Variants in PRRC2B observed in about 807,000 individuals in gnomAD.
The protein encoded by PRRC2B is proline rich coiled-coil 2B.
In PRRC2B, 68 loss-of-function variants were observed where a neutral mutation model predicts 242.3. The ratio of observed to expected loss-of-function variants is 0.28; its 90% CI spans 0.23 to 0.34. The LOEUF (loss-of-function observed/expected upper bound fraction) is 0.34, where lower values mean the gene tolerates loss of function less well. Ranked by LOEUF, PRRC2B falls within the 10% of genes least tolerant of loss-of-function variation. The pLI is 1.00. For synonymous variants in PRRC2B, 1,228 were observed against 1,173.6 expected, an observed-to-expected ratio of 1.05 and a Z score of -0.95; for missense variants, 2,835 against 2,954.8, an observed-to-expected ratio of 0.96 and a Z score of 0.94.
intron 20 of PRRC2B, 22 bp downstream of exon 20, chr9:131,481,830 A>G (rs1393715292): frequency 2.6e-6 from 4 of 1,542,820 alleles, no homozygotes; most frequent in African/African-American, 1.4e-5. Flanking sequence ...CGCTGCCCAC[A>G]TGCTGCCCCT....
rs141177705 is a variant in PRRC2B, at chr9:131,477,478, C to G, written c.4407-266C>G. 8.1e-3 allele frequency among the ~76,000 whole-genome samples: 1,228 copies of G among 152,302 alleles called. 16 individuals carry two copies. Among genetic ancestry groups the G allele is most frequent in the Admixed American group, 0.03 (466 of 15,302 alleles). ...GCATATTCCCCTTGTCTCTCTCCCC[C>G]CTACACTCTGAACATAGCATGTGGG... On this transcript the variant is annotated intron_variant, in intron 16 of 31. Coordinates refer to ENST00000683519, the MANE Select transcript of PRRC2B (RefSeq NM_013318.4).
intron 1 of PRRC2B, among the ~76,000 whole-genome samples, chr9:131,404,468 C>G (rs1415045880): frequency 6.6e-6 from 1 of 152,018 alleles, no homozygotes; most frequent in Non-Finnish European, 1.5e-5. Flanking sequence ...GCGAGCCACC[C>G]GCCTCAGCCT....
intron 1 of PRRC2B, among the ~76,000 whole-genome samples, chr9:131,381,400 G>A (rs1037015128): frequency 2.0e-5 from 3 of 147,604 alleles, no homozygotes; most frequent in Non-Finnish European, 4.4e-5. Context: ...CTCAACCAGA[G>A]TTTCCAAGTT....
chr9:131,483,363 C>T lies in PRRC2B; in HGVS notation c.5378C>T (p.Ser1793Phe). 1 of 1,613,910 alleles carries T rather than the reference C, an allele frequency of 6.2e-7. No individual in the cohort carries two copies. The highest frequency in any genetic ancestry group is 8.5e-7 in the Non-Finnish European group (1 of 1,179,874). Residue 1793 changes from serine to phenylalanine, a missense_variant, in exon 23 of 32, where the codon TCC becomes TTC. Coordinates refer to ENST00000683519, the MANE Select transcript of PRRC2B (RefSeq NM_013318.4). ...PIEFGVSPKD[S>F]DFSLPPGSAS... ...TGGCCTTTTTTATTTTTTCAGGACT[C>T]CGATTTCAGCTTGCCACCTGGTTCT...
intron 8 of PRRC2B, 49 bp from the exon 9 acceptor site, chr9:131,447,613 G>C: frequency 6.8e-7 from 1 of 1,479,056 alleles, no homozygotes; most frequent in Non-Finnish European, 9.0e-7. Flanking sequence ...ATTTGATTTT[G>C]CTTCCGTCTG....
At chr9:131,396,325 C>CTTTTTTT (rs1165485887) in intron 1 of PRRC2B, among the ~76,000 whole-genome samples, 84 of 132,946 alleles carry the variant, frequency 6.3e-4, no homozygotes, top group Admixed American at 1.3e-3. Flanking sequence ...CTTTTCTTTT[C>CTTTTTTT]TTTTTTTTTT....
intron 1 of PRRC2B, among the ~76,000 whole-genome samples, chr9:131,425,381 T>C (rs1346692920): frequency 6.6e-6 from 1 of 152,196 alleles, no homozygotes; most frequent in Non-Finnish European, 1.5e-5. Flanking sequence ...GTAGTTACAC[T>C]GAGAGCTGTG....
In PRRC2B at chr9:131,476,272, C is replaced by T. The variant is rs752432209; in HGVS notation, c.4143C>T (p.Ser1381=). 3.2e-5 allele frequency: 52 copies of T among 1,609,526 alleles called. No homozygotes were observed. In the East Asian group the frequency reaches 5.2e-4, roughly 16 times the overall value. The part of the protein sequence containing the change: ...NEEWETASES[S]DFSERRERRE... ...AGTGGGAGACGGCCTCCGAAAGCAG[C>T]GACTTCAGCGAGCGGCGGGAGCGGC... The change falls in exon 16 of 32, where the codon AGC becomes AGT. Residue 1381 remains serine (S), a synonymous_variant. Coordinates refer to ENST00000683519, the MANE Select transcript of PRRC2B (RefSeq NM_013318.4).
At chr9:131,422,594 A>G (rs979645944) in intron 1 of PRRC2B, among the ~76,000 whole-genome samples, 4 of 152,162 alleles carry the variant, frequency 2.6e-5, no homozygotes, top group African/African-American at 9.7e-5. Flanking sequence ...ACTGGCTGGC[A>G]CTCAAGTGTG....
intron 1 of PRRC2B, among the ~76,000 whole-genome samples, chr9:131,402,407 G>A (rs201314882): frequency 1.3e-5 from 2 of 152,184 alleles, no homozygotes; most frequent in East Asian, 3.8e-4. Context: ...CATCCATGTT[G>A]CAGCATGTGT....
chr9:131,473,072 C>A (rs1268945971), intron 14 of PRRC2B, among the ~76,000 whole-genome samples: 1 of 152,156 alleles, frequency 6.6e-6, no homozygotes, highest in African/African-American at 2.4e-5. Context: ...TGTTTCCCTG[C>A]CCTGGTCCAG....
intron 2 of PRRC2B, among the ~76,000 whole-genome samples, chr9:131,431,535 G>A (rs1370002038): frequency 6.6e-6 from 1 of 151,772 alleles, no homozygotes; most frequent in Non-Finnish European, 1.5e-5. Context: ...AGGGTGCTGG[G>A]ATTACAGGCA....
At chr9:131,438,931 G>A (rs1303905881) in intron 4 of PRRC2B, 58 bp from the exon 5 acceptor site, 2 of 1,369,102 alleles carry the variant, frequency 1.5e-6, no homozygotes, top group African/African-American at 1.4e-5. Context: ...GTAATAGGCT[G>A]TTATTGTACA....
intron 10 of PRRC2B, among the ~76,000 whole-genome samples, chr9:131,456,611 C>G (rs937049701): frequency 2.6e-5 from 4 of 151,836 alleles, no homozygotes; most frequent in African/African-American, 9.7e-5. Flanking sequence ...GCACTCCAGC[C>G]CGGGCAACAG....
rs1352390701 is a variant in PRRC2B, at chr9:131,432,735, G to A, written c.234G>A (p.Val78=). The A allele has an allele frequency of 2.5e-6, 4 of 1,614,048 alleles. No individual in the cohort carries two copies. The highest frequency in any genetic ancestry group is 3.4e-6 in the Non-Finnish European group (4 of 1,179,910). ...ACAAAGGAAACGACCCCAACATCGT[G>A]ATAGTACCCAAGGACGGGACGGGAT... ...SENKGNDPNI[V]IVPKDGTGWA... Residue 78 remains valine, a synonymous_variant, in exon 3 of 32, where the codon GTG becomes GTA. Transcript: ENST00000683519.
At chr9:131,427,487 C>G (rs745955755) in intron 1 of PRRC2B, among the ~76,000 whole-genome samples, 1 of 151,974 alleles carries the variant, frequency 6.6e-6, no homozygotes. Flanking sequence ...CCCACCACCA[C>G]GCCTGGCTAA....
intron 1 of PRRC2B, 96 bp downstream of exon 1, chr9:131,394,359 G>A (rs1836980018): frequency 1.4e-5 from 2 of 146,170 alleles, no homozygotes; most frequent in South Asian, 1.9e-4. Context: ...CGCGGCCGCC[G>A]CCGGGGGCCC....
rs1030551662 is a variant in PRRC2B at position 131,487,814 on chromosome 9, G to A, written c.5985-42G>A. ...AAGGGTGGGACCAGATCCGCAGCTG[G>A]ACTCATCCACCTGATCCCGACCATC... On this transcript the variant is annotated intron_variant, in intron 27 of 31. Coordinates refer to ENST00000683519, the MANE Select transcript of PRRC2B (RefSeq NM_013318.4). The surrounding 1 kb of genome is among the most constrained non-coding windows in gnomAD (Gnocchi z 5.3). The A allele has an allele frequency of 1.9e-6, 3 of 1,580,870 alleles. No homozygotes were observed. Among genetic ancestry groups the A allele is most frequent in the Admixed American group, 1.7e-5 (1 of 58,880 alleles).
chr9:131,413,755 T>G (rs1837567075), intron 1 of PRRC2B, among the ~76,000 whole-genome samples: 1 of 152,192 alleles, frequency 6.6e-6, no homozygotes, highest in South Asian at 2.1e-4. Context: ...CACTGCAACC[T>G]CTGCCTCCCA....
Sources: allele counts gnomAD v4.1 joint callset (sites outside exome capture counted in the v4.1 genomes callset), GRCh38; gene constraint gnomAD v4.1.1; non-coding constraint Gnocchi (gnomAD v3.1); transcripts MANE v1.5; gene names NCBI Gene and HGNC (gene_info 2026-07-23, HGNC 2026-07-21).